The following UPRT variants were observed in gnomAD, a reference collection of about 807,000 sequenced individuals.
UPRT encodes uracil phosphoribosyltransferase homolog.
UPRT carries 5 observed loss-of-function variants against 22.6 expected under a neutral mutation model. That is an observed-to-expected ratio of 0.22 (90% confidence interval 0.12 to 0.47). The LOEUF (loss-of-function observed/expected upper bound fraction) is 0.47, where lower values mean the gene tolerates loss of function less well. Among genes scored for constraint, UPRT ranks in the 20% least tolerant of loss-of-function variants. The probability of loss-of-function intolerance (pLI) is 0.99; values close to 1 mark genes in which losing one functional copy is unlikely to be tolerated. For missense variants in UPRT, 181 were observed against 239.9 expected (o/e 0.75, Z 1.62); for synonymous variants, 77 against 87.7 (o/e 0.88, Z 0.68).
At chrX:75,296,815 A>T (rs1162193692) in intron 3 of UPRT, among the ~76,000 whole-genome samples, 1 of 111,858 alleles carries the variant, frequency 8.9e-6, no homozygotes, top group Non-Finnish European at 1.9e-5. Flanking sequence ...AGAAAACTAA[A>T]AATGATAAGA....
At chrX:75,296,468 G>A in intron 3 of UPRT, 57 bp downstream of exon 3, 1 of 1,039,269 alleles carries the variant, frequency 9.6e-7, no homozygotes, top group Non-Finnish European at 1.3e-6. Context: ...CTAGAATGGG[G>A]AAAGATGTAA....
At chrX:75,204,024 T>C (rs2082356115) in intron 4 of UPRT, among the ~76,000 whole-genome samples, 1 of 109,840 alleles carries the variant, frequency 9.1e-6, no homozygotes, top group Admixed American at 9.8e-5. Context: ...GACTTCAGAG[T>C]TGTTTTCCTG....
intron 4 of UPRT, among the ~76,000 whole-genome samples, chrX:75,239,487 G>T (rs1285230169): frequency 9.0e-6 from 1 of 111,237 alleles, no homozygotes; most frequent in Non-Finnish European, 1.9e-5. Context: ...AAGTCCAGGA[G>T]CAGATGCATT....
intron 4 of UPRT, among the ~76,000 whole-genome samples, chrX:75,186,205 G>A (rs1458131010): frequency 1.8e-5 from 2 of 110,846 alleles, no homozygotes; most frequent in Non-Finnish European, 3.8e-5. Flanking sequence ...GCGTCCCAGA[G>A]ATTCTGGTAT....
chrX:75,246,220 C>T (rs1260221593), intron 4 of UPRT, among the ~76,000 whole-genome samples: 1 of 107,329 alleles, frequency 9.3e-6, no homozygotes, highest in Non-Finnish European at 1.9e-5. Flanking sequence ...TCGTCATTTA[C>T]ATTAGGTATA....
intron 4 of UPRT, among the ~76,000 whole-genome samples, chrX:75,235,948 G>A (rs1021721777): frequency 2.7e-5 from 3 of 110,915 alleles, no homozygotes; most frequent in African/African-American, 6.6e-5. Flanking sequence ...TTCTGGCCAG[G>A]GCAATGAGGC....
chrX:75,221,554 T>C (rs2082410683), intron 4 of UPRT, among the ~76,000 whole-genome samples: 1 of 111,937 alleles, frequency 8.9e-6, no homozygotes, highest in Non-Finnish European at 1.9e-5. Flanking sequence ...TGTTTTCCTA[T>C]AGCCTGTCTT....
intron 4 of UPRT, among the ~76,000 whole-genome samples, chrX:75,249,251 T>C (rs1434865711): frequency 9.0e-6 from 1 of 111,533 alleles, no homozygotes; most frequent in Non-Finnish European, 1.9e-5. Flanking sequence ...CCAATTAAAA[T>C]GTACAGACTG....
intron 1 of UPRT, among the ~76,000 whole-genome samples, chrX:75,158,119 G>T (rs1421314815): frequency 8.9e-6 from 1 of 112,022 alleles, no homozygotes; most frequent in Non-Finnish European, 1.9e-5. Context: ...AAATACCCAA[G>T]TTGTTACTCT....
At chrX:75,179,704 G>A (rs1056504469) in intron 4 of UPRT, among the ~76,000 whole-genome samples, 4 of 113,396 alleles carry the variant, frequency 3.5e-5, no homozygotes, top group South Asian at 3.5e-4. Context: ...TGAGCGCAGC[G>A]CTGGTGGGCT....
chrX:75,270,062 AAAAC>A (rs991465063), upstream of UPRT, among the ~76,000 whole-genome samples: 6 of 112,038 alleles, frequency 5.4e-5, no homozygotes, highest in African/African-American at 1.9e-4. Context: ...TTACAAGAAA[AAAAC>A]AAACAGCCCC....
intron 4 of UPRT, among the ~76,000 whole-genome samples, chrX:75,252,947 A>T (rs956041702): frequency 9.0e-6 from 1 of 111,725 alleles, no homozygotes; most frequent in Non-Finnish European, 1.9e-5. Flanking sequence ...CAAGGACAAA[A>T]AACGAAACAC....
intron 2 of UPRT, among the ~76,000 whole-genome samples, chrX:75,161,064 A>G (rs1200667414): frequency 1.8e-5 from 2 of 112,719 alleles, no homozygotes; most frequent in Admixed American, 9.4e-5. Flanking sequence ...ATTGCACAAA[A>G]TAAGTAGTTG....
At chrX:75,243,408 A>T in intron 4 of UPRT, among the ~76,000 whole-genome samples, 1 of 111,773 alleles carries the variant, frequency 8.9e-6, no homozygotes, top group Non-Finnish European at 1.9e-5. Context: ...TTCCATTTGG[A>T]TGTTTAACCA....
At chrX:75,302,885 C>T (rs938251600) in intron 6 of UPRT, among the ~76,000 whole-genome samples, 2 of 110,230 alleles carry the variant, frequency 1.8e-5, no homozygotes, top group African/African-American at 6.6e-5. Flanking sequence ...GTTGAGAAAC[C>T]ATCATCTTAC....
At chrX:75,245,404 G>A (rs2082501669) in intron 4 of UPRT, among the ~76,000 whole-genome samples, 1 of 111,270 alleles carries the variant, frequency 9.0e-6, no homozygotes, top group Non-Finnish European at 1.9e-5. Flanking sequence ...ATAAGTCAAA[G>A]AACAATTACC....
chrX:75,162,785 G>C (rs1029969776), intron 2 of UPRT, among the ~76,000 whole-genome samples: 2 of 111,449 alleles, frequency 1.8e-5, no homozygotes, highest in African/African-American at 6.5e-5. Context: ...TGTTACCCAG[G>C]TAACTGCAAT....
intron 1 of UPRT, among the ~76,000 whole-genome samples, chrX:75,288,041 T>A (rs2082689656): frequency 9.0e-6 from 1 of 111,671 alleles, no homozygotes; most frequent in Admixed American, 9.5e-5. Flanking sequence ...GAGACTATTA[T>A]GAACAACTCT....
Position 75,274,420 on chromosome X carries a change from G to A in UPRT, c.166G>A (p.Ala56Thr). 3.3e-6 allele frequency: 4 copies of A among 1,211,110 alleles called. No homozygotes were observed. The highest frequency in any genetic ancestry group is 4.5e-6 in the Non-Finnish European group (4 of 895,256). Residue 56 changes from alanine (A) to threonine (T), a missense_variant, in exon 1 of 7, where the codon GCC (alanine) becomes ACC (threonine). Physicochemically the swap from Ala to Thr is moderately conservative, Grantham distance 58. Around this residue, in one of 2 missense-constraint regions of UPRT, gnomAD observed 111 missense variants for 102.8 expected, o/e 1.08. Transcript: ENST00000373383. The part of the protein sequence containing the change: ...RAKVILLTGY[A>T]HSSLPAELDS... ...CAAGGTGATTCTCCTCACGGGGTAC[G>A]CCCATTCTAGCCTGCCGGCCGAGCT...
Sources: gnomAD v4.1 joint callset for allele counts (sites outside exome capture counted in the v4.1 genomes callset) on GRCh38, gnomAD v4.1.1 for gene constraint, gnomAD v4.1.1 regional missense constraint, MANE v1.5 for transcripts, NCBI Gene and HGNC (gene_info 2026-07-23, HGNC 2026-07-21) for gene names.